ADK: variants seen among roughly 807,000 people sequenced by gnomAD.
ADK encodes the protein adenosine kinase.
In ADK, 24 loss-of-function variants were observed where a neutral mutation model predicts 44.7. That is an observed-to-expected ratio of 0.54 (90% CI 0.39 to 0.76). ADK has a LOEUF of 0.76. ADK is among the 30% of genes least tolerant of loss of function. The pLI, the probability that ADK is intolerant of heterozygous loss-of-function variation, is 0.00. For synonymous variants in ADK, 128 were observed against 142.6 expected, an observed-to-expected ratio of 0.90 and a Z score of 0.73; for missense variants, 321 against 425.1, an observed-to-expected ratio of 0.76 and a Z score of 2.15.
intron 7 of ADK, among the ~76,000 whole-genome samples, chr10:74,547,381 A>G (rs1849858792): frequency 6.6e-6 from 1 of 150,568 alleles, no homozygotes; most frequent in Middle Eastern, 3.4e-3. Context: ...TGTTCTGTGT[A>G]TGTAAATTCT....
At chr10:74,288,884 G>T (rs974953540) in intron 3 of ADK, among the ~76,000 whole-genome samples, 5 of 152,160 alleles carry the variant, frequency 3.3e-5, no homozygotes, top group Non-Finnish European at 7.4e-5. Flanking sequence ...AATATTCATG[G>T]AAGGTATTTT....
chr10:74,543,043 G>A (rs938328984), intron 7 of ADK, among the ~76,000 whole-genome samples: 4 of 151,866 alleles, frequency 2.6e-5, no homozygotes, highest in Admixed American at 1.3e-4. Flanking sequence ...TGGGACTACA[G>A]GTGCCTGCCA....
intron 6 of ADK, among the ~76,000 whole-genome samples, chr10:74,416,177 G>A (rs1844368534): frequency 6.6e-6 from 1 of 151,706 alleles, no homozygotes. Context: ...AAAAAATTTG[G>A]TAAATTGGTA....
At chr10:74,604,105 G>GT (rs1398935990) in intron 9 of ADK, among the ~76,000 whole-genome samples, 2 of 151,816 alleles carry the variant, frequency 1.3e-5, no homozygotes, top group Non-Finnish European at 2.9e-5. Flanking sequence ...TTGTTTGTTC[G>GT]TTTTTTGTAA....
intron 7 of ADK, among the ~76,000 whole-genome samples, chr10:74,545,749 A>G (rs1215971255): frequency 6.6e-6 from 1 of 152,206 alleles, no homozygotes; most frequent in African/African-American, 2.4e-5. Flanking sequence ...GTAATGAACA[A>G]TTCATTCTGA....
chr10:74,188,702 T>C (rs1842853337), intron 1 of ADK, among the ~76,000 whole-genome samples: 1 of 152,160 alleles, frequency 6.6e-6, no homozygotes, highest in South Asian at 2.1e-4. Context: ...TCTACCTTTT[T>C]TGAGTTAGAA....
At chr10:74,544,870 T>C (rs375236553) in intron 7 of ADK, among the ~76,000 whole-genome samples, 31 of 151,158 alleles carry the variant, frequency 2.1e-4, no homozygotes, top group African/African-American at 7.5e-4. Context: ...CAAAAAATAA[T>C]GAAAACCGAG....
intron 3 of ADK, among the ~76,000 whole-genome samples, chr10:74,272,118 A>G (rs1439582396): frequency 6.6e-6 from 1 of 152,128 alleles, no homozygotes; most frequent in African/African-American, 2.4e-5. Context: ...TTGCTAATAT[A>G]TTTTGCATTA....
rs1205810921 is a variant in ADK, at chr10:74,186,133, G to GC, written c.66-14629dup. Among the ~76,000 whole-genome samples, 4 of 152,104 alleles carry GC rather than the reference G, an allele frequency of 2.6e-5. No homozygotes were observed. In the East Asian group the frequency reaches 7.8e-4, roughly 30 times the overall value. On this transcript the variant is annotated intron_variant, in intron 1 of 10. Transcript: ENST00000539909. ...CAAAGTGCTGGGATTACAGGCGTTA[G>GC]CCACTGTGCCTGGCTCTCTCAGTAT... is the stretch of plus-strand genomic sequence containing the variant.
Position 74,408,833 on chromosome 10 carries a change from G to A in ADK, c.555+10254G>A, listed in dbSNP as rs146150721. ...ATCTTAGTCATCTTCATGTTGAGTG[G>A]GCTGAGGAGGGGAAGAAGAGGAGGA... On this transcript the variant is annotated intron_variant, in intron 6 of 10. Transcript: ENST00000539909. 5.9e-3 allele frequency among the ~76,000 whole-genome samples: 897 copies of A among 152,212 alleles called. 6 individuals are homozygous for A. Among genetic ancestry groups the A allele is most frequent in the Middle Eastern group, 0.017 (5 of 294 alleles).
intron 6 of ADK, among the ~76,000 whole-genome samples, chr10:74,511,546 A>C (rs1308317948): frequency 1.3e-5 from 2 of 151,658 alleles, no homozygotes; most frequent in South Asian, 2.1e-4. Flanking sequence ...CCAAGATTTT[A>C]TTTTCTTTTC....
chr10:74,216,605 G>C (rs1844035931), intron 2 of ADK, among the ~76,000 whole-genome samples: 1 of 151,600 alleles, frequency 6.6e-6, no homozygotes, highest in African/African-American at 2.4e-5. Context: ...CATGCCTGTA[G>C]TCCCAGCTAT....
At chr10:74,398,754 TA>T (rs1209099603) in intron 6 of ADK, among the ~76,000 whole-genome samples, 175 bp downstream of exon 6, 1 of 152,136 alleles carries the variant, frequency 6.6e-6, no homozygotes, top group African/African-American at 2.4e-5. Flanking sequence ...ATTATCTTTC[TA>T]TGGGTAACAT....
chr10:74,563,308 T>C (rs1428237286), intron 7 of ADK, among the ~76,000 whole-genome samples: 1 of 152,224 alleles, frequency 6.6e-6, no homozygotes, highest in African/African-American at 2.4e-5. Context: ...TGCCTTGACC[T>C]ATTTTTACAT....
At chr10:74,160,824 C>A (rs1841877400) in intron 1 of ADK, among the ~76,000 whole-genome samples, 1 of 151,830 alleles carries the variant, frequency 6.6e-6, no homozygotes, top group Non-Finnish European at 1.5e-5. Context: ...CTGTAATCAA[C>A]AACTCCGACA....
chr10:74,513,544 T>C (rs114167840), intron 6 of ADK, among the ~76,000 whole-genome samples: 106 of 152,302 alleles, frequency 7.0e-4, no homozygotes, highest in African/African-American at 2.5e-3. Context: ...CTCGTATAAT[T>C]ATAGCTATTC....
At chr10:74,574,797 GC>G (rs1851126787) in intron 7 of ADK, among the ~76,000 whole-genome samples, 1 of 152,236 alleles carries the variant, frequency 6.6e-6, no homozygotes, top group South Asian at 2.1e-4. Context: ...TCAGATCTTT[GC>G]TACCATCCCT....
At chr10:74,444,282 C>T (rs968485836) in intron 6 of ADK, among the ~76,000 whole-genome samples, 13 of 152,088 alleles carry the variant, frequency 8.5e-5, no homozygotes, top group Non-Finnish European at 1.5e-4. Context: ...GTACCTGCAG[C>T]GAGAGAGGAA....
chr10:74,483,605 T>G (rs977187863), intron 6 of ADK, among the ~76,000 whole-genome samples: 3 of 152,252 alleles, frequency 2.0e-5, no homozygotes, highest in Admixed American at 1.3e-4. Flanking sequence ...CTTTTAAATA[T>G]AAGTTCCAGT....
Sources: allele counts gnomAD v4.1 joint callset (sites outside exome capture counted in the v4.1 genomes callset), GRCh38; gene constraint gnomAD v4.1.1; transcripts MANE v1.5; gene names NCBI Gene and HGNC (gene_info 2026-07-23, HGNC 2026-07-21).